The following DMD variants were observed in gnomAD, a reference collection of about 807,000 sequenced individuals.
DMD encodes mutant dystrophin.
DMD carries 63 observed loss-of-function variants against 330.1 expected under a neutral mutation model. That is an observed-to-expected ratio of 0.19 (90% CI 0.16 to 0.24). The LOEUF is 0.24. Among genes scored for constraint, DMD ranks in the 10% least tolerant of loss-of-function variants. The probability of loss-of-function intolerance (pLI) is 1.00; values close to 1 mark genes in which losing one functional copy is unlikely to be tolerated. For missense variants in DMD, 3,344 were observed against 2,684.1 expected (o/e 1.25, Z -5.43); for synonymous variants, 1,223 against 959.8 (o/e 1.27, Z -5.07).
At chrX:32,583,578 C>T (rs149440516) in intron 13 of DMD, 4 of 111,792 alleles carry the variant, frequency 3.6e-5, no homozygotes, top group African/African-American at 1.3e-4. Context: ...TGAGGACAGG[C>T]AAGTAGAGAA....
chrX:32,063,187 A>AACACACAC (rs113943502), intron 44 of DMD, among the ~76,000 whole-genome samples: 5,199 of 100,626 alleles, frequency 0.052, 141 homozygotes, highest in African/African-American at 0.085. Context: ...AAGTATGTCT[A>AACACACAC]ACACACACAC....
chrX:32,901,822 C>T (rs964481779), intron 2 of DMD, among the ~76,000 whole-genome samples: 7 of 109,915 alleles, frequency 6.4e-5, no homozygotes, highest in Non-Finnish European at 1.3e-4. Context: ...TTGCGGAGGA[C>T]GACTTATTGA....
chrX:32,962,580 A>C (rs2091943098), intron 2 of DMD, among the ~76,000 whole-genome samples: 1 of 110,877 alleles, frequency 9.0e-6, no homozygotes, highest in African/African-American at 3.3e-5. Flanking sequence ...TTGTAGAAAA[A>C]CTCTATCCAG....
intron 55 of DMD, among the ~76,000 whole-genome samples, chrX:31,549,065 C>G (rs1245795192): frequency 4.5e-5 from 5 of 110,679 alleles, no homozygotes; most frequent in African/African-American, 1.3e-4. Context: ...ATCATGAAGG[C>G]CCATAAAAAT....
intron 2 of DMD, among the ~76,000 whole-genome samples, chrX:32,982,165 A>G (rs2092722971): frequency 8.9e-6 from 1 of 111,811 alleles, no homozygotes; most frequent in Non-Finnish European, 1.9e-5. Context: ...TAATTAAAGG[A>G]GCTAACTGTT....
At chrX:33,054,740 C>T (rs182667814) in intron 1 of DMD, among the ~76,000 whole-genome samples, 2 of 111,887 alleles carry the variant, frequency 1.8e-5, no homozygotes, top group Admixed American at 1.9e-4. Flanking sequence ...GGAACTGCAA[C>T]AATCCTGGCA....
At chrX:32,408,591 T>G (rs1231951649) in intron 30 of DMD, among the ~76,000 whole-genome samples, 3 of 110,915 alleles carry the variant, frequency 2.7e-5, no homozygotes, top group Non-Finnish European at 5.7e-5. Context: ...CACGGTGGAG[T>G]CAGACACCCA....
At chrX:31,249,396 C>T in intron 63 of DMD, among the ~76,000 whole-genome samples, 1 of 111,190 alleles carries the variant, frequency 9.0e-6, no homozygotes, top group East Asian at 2.8e-4. Flanking sequence ...CAGACGCCAC[C>T]ACTTCTGGCT....
At chrX:32,337,508 CTTT>C in intron 41 of DMD, among the ~76,000 whole-genome samples, 1 of 109,038 alleles carries the variant, frequency 9.2e-6, no homozygotes, top group East Asian at 2.9e-4. Flanking sequence ...CTGAAGTGGG[CTTT>C]TTTTTGTATT....
At chrX:31,864,932 T>G (rs1416651634) in intron 48 of DMD, among the ~76,000 whole-genome samples, 1 of 112,210 alleles carries the variant, frequency 8.9e-6, no homozygotes, top group African/African-American at 3.2e-5. Context: ...CCAGGGAAAT[T>G]CACTCAATTT....
In DMD at chrX:31,968,380, C is replaced by T. The variant is rs2150187210; in HGVS notation, c.6573G>A (p.Arg2191=). ...LQEKLGSLNL[R]WQEVCKQLSD... ...ACAGCTGTTTGCAGACCTCCTGCCA[C>T]CGCAGATTCAGGCTTCCCAATTTTT... is the stretch of plus-strand genomic sequence containing the variant. The change falls in exon 45 of 79, where the codon CGG becomes CGA. Residue 2191 remains arginine (R), a synonymous_variant. Transcript: ENST00000357033. 8.3e-7 allele frequency: 1 copy of T among 1,210,833 alleles called. No individual in the cohort carries two copies. Among genetic ancestry groups the T allele is most frequent in the Non-Finnish European group, 1.1e-6 (1 of 894,880 alleles).
chrX:33,227,676 T>C (rs762369861), intron 1 of DMD, among the ~76,000 whole-genome samples: 2 of 109,858 alleles, frequency 1.8e-5, no homozygotes, highest in East Asian at 5.7e-4. Flanking sequence ...ATGTAGCAGA[T>C]GAAGCTGCAC....
chrX:31,491,383 A>G (rs910715873), intron 57 of DMD, among the ~76,000 whole-genome samples: 1 of 112,277 alleles, frequency 8.9e-6, no homozygotes, highest in Non-Finnish European at 1.9e-5. Context: ...CTGCTCAAGT[A>G]AAACAAAGGA....
At chrX:31,923,415 GTAGT>G (rs2094720578) in intron 47 of DMD, among the ~76,000 whole-genome samples, 1 of 111,125 alleles carries the variant, frequency 9.0e-6, no homozygotes, top group Admixed American at 9.6e-5. Context: ...GTGGCACATA[GTAGT>G]CCTTTAATAG....
At chrX:33,117,845 G>A (rs1359694831) in intron 1 of DMD, among the ~76,000 whole-genome samples, 2 of 93,195 alleles carry the variant, frequency 2.1e-5, no homozygotes, top group Non-Finnish European at 4.2e-5. Flanking sequence ...ATTTTTAAAG[G>A]AGTATCTCAA....
At chrX:31,588,793 A>G (rs752075408) in intron 55 of DMD, among the ~76,000 whole-genome samples, 1 of 109,705 alleles carries the variant, frequency 9.1e-6, no homozygotes, top group East Asian at 2.9e-4. Flanking sequence ...ACTTCGGTGA[A>G]GGTTTCTAGC....
At chrX:31,181,028 G>A (rs772375929) in intron 68 of DMD, among the ~76,000 whole-genome samples, 1 of 111,867 alleles carries the variant, frequency 8.9e-6, no homozygotes, top group Admixed American at 9.5e-5. Flanking sequence ...ACAGTTACTC[G>A]AATGAACTCT....
At chrX:32,539,161 G>T (rs1170347121) in intron 17 of DMD, among the ~76,000 whole-genome samples, 3 of 88,539 alleles carry the variant, frequency 3.4e-5, no homozygotes, top group African/African-American at 1.3e-4. Flanking sequence ...TGGTATGCAA[G>T]ATTTCTATTT....
chrX:31,367,631 C>T (rs568081844), intron 60 of DMD, among the ~76,000 whole-genome samples: 5 of 111,624 alleles, frequency 4.5e-5, no homozygotes, highest in African/African-American at 9.8e-5. Context: ...GTATTGAGTG[C>T]GTGCTTTGTG....
Sources: gnomAD v4.1 joint callset for allele counts (sites outside exome capture counted in the v4.1 genomes callset) on GRCh38, gnomAD v4.1.1 for gene constraint, MANE v1.5 for transcripts, NCBI Gene and HGNC (gene_info 2026-07-23, HGNC 2026-07-21) for gene names.